The following ADGRB3 variants were observed in gnomAD, a reference collection of about 807,000 sequenced individuals.
The protein encoded by ADGRB3 is adhesion G protein-coupled receptor B3.
A neutral mutation model predicts 193.4 loss-of-function variants in ADGRB3; 37 were observed. The ratio of observed to expected loss-of-function variants is 0.19; its 90% CI spans 0.15 to 0.25. The LOEUF (loss-of-function observed/expected upper bound fraction) is 0.25, where lower values mean the gene tolerates loss of function less well. ADGRB3 is among the 10% of genes least tolerant of loss of function. ADGRB3 has a pLI of 1.00. For synonymous variants in ADGRB3, 690 were observed against 644.2 expected (o/e 1.07, Z -1.08); for missense variants, 1,637 against 1,852.9 (o/e 0.88, Z 2.14).
intron 11 of ADGRB3, among the ~76,000 whole-genome samples, chr6:68,994,648 C>T (rs938299861): frequency 2.6e-5 from 4 of 152,224 alleles, no homozygotes; most frequent in South Asian, 2.1e-4. Flanking sequence ...CTACAGTTTG[C>T]GTTTCAGATT....
intron 17 of ADGRB3, among the ~76,000 whole-genome samples, chr6:69,086,977 T>C (rs1415328186): frequency 2.0e-5 from 3 of 152,148 alleles, no homozygotes; most frequent in African/African-American, 4.8e-5. Context: ...AGAAACGTAA[T>C]TGTAATAAAG....
chr6:68,794,053 T>C (rs1242307717), intron 3 of ADGRB3, among the ~76,000 whole-genome samples: 1 of 152,156 alleles, frequency 6.6e-6, no homozygotes, highest in Non-Finnish European at 1.5e-5. Flanking sequence ...GTTAAAAATT[T>C]CCTGTGCAAT....
intron 26 of ADGRB3, 81 bp downstream of exon 26, chr6:69,339,585 T>C (rs1768932691): frequency 4.1e-6 from 6 of 1,456,428 alleles, no homozygotes; most frequent in Non-Finnish European, 5.6e-6. Context: ...TTTAATATCT[T>C]GATGTTCAGA....
intron 20 of ADGRB3, among the ~76,000 whole-genome samples, chr6:69,250,468 C>T (rs1315953059): frequency 6.6e-6 from 1 of 152,194 alleles, no homozygotes; most frequent in African/African-American, 2.4e-5. Context: ...AAAGGACAAT[C>T]TGTACCAATT....
chr6:68,654,370 T>G (rs1385179412), intron 3 of ADGRB3, among the ~76,000 whole-genome samples: 1 of 152,012 alleles, frequency 6.6e-6, no homozygotes, highest in Non-Finnish European at 1.5e-5. Flanking sequence ...GCTTTCTTAT[T>G]CTCAAGAAGT....
intron 3 of ADGRB3, among the ~76,000 whole-genome samples, chr6:68,744,835 A>G (rs143190415): frequency 0.022 from 3,394 of 152,244 alleles, 63 homozygotes; most frequent in South Asian, 0.074. Flanking sequence ...GTGTATACCT[A>G]TGTAACAAAA....
intron 10 of ADGRB3, among the ~76,000 whole-genome samples, chr6:68,990,868 T>G (rs3798995): frequency 0.11 from 16,245 of 152,124 alleles, 1,669 homozygotes; most frequent in East Asian, 0.56. Context: ...AACAATTTAG[T>G]CTTCTGCAGC....
intron 16 of ADGRB3, among the ~76,000 whole-genome samples, chr6:69,074,043 T>A (rs1772155751): frequency 6.6e-6 from 1 of 152,206 alleles, no homozygotes; most frequent in South Asian, 2.1e-4. Context: ...GGAGGTTTAT[T>A]TTCAATTTAT....
At chr6:68,941,408 T>C (rs1767638662) in intron 5 of ADGRB3, among the ~76,000 whole-genome samples, 1 of 152,180 alleles carries the variant, frequency 6.6e-6, no homozygotes. Context: ...CCATAAAGAC[T>C]GTTAGAAAGT....
At chr6:68,945,643 CT>C (rs1240933048) in intron 6 of ADGRB3, among the ~76,000 whole-genome samples, 58 of 151,984 alleles carry the variant, frequency 3.8e-4, no homozygotes. Flanking sequence ...TTTTTAAATA[CT>C]TTTTTGTTAC....
At chr6:68,670,519 A>G (rs2585592) in intron 3 of ADGRB3, among the ~76,000 whole-genome samples, 98,830 of 151,756 alleles carry the variant, frequency 0.65, 33,035 homozygotes, top group African/African-American at 0.8. Flanking sequence ...ATTTTTTGAA[A>G]AGACTGTCTT....
chr6:68,664,212 C>G, intron 3 of ADGRB3, among the ~76,000 whole-genome samples: 1 of 151,668 alleles, frequency 6.6e-6, no homozygotes, highest in East Asian at 1.9e-4. Context: ...CTGATGTACC[C>G]TCATTCTCAA....
At chr6:69,058,337 C>T (rs570181) in intron 15 of ADGRB3, among the ~76,000 whole-genome samples, 111,502 of 151,624 alleles carry the variant, frequency 0.74, 42,270 homozygotes, top group East Asian at 0.96. Flanking sequence ...TCTTTCTTTT[C>T]ACTTACTCTT....
intron 17 of ADGRB3, among the ~76,000 whole-genome samples, chr6:69,138,511 A>G (rs1774218875): frequency 6.6e-6 from 1 of 152,204 alleles, no homozygotes; most frequent in Non-Finnish European, 1.5e-5. Flanking sequence ...AATAAACCTT[A>G]ATAACCCTCA....
intron 15 of ADGRB3, among the ~76,000 whole-genome samples, chr6:69,053,350 T>C (rs996786014): frequency 5.9e-5 from 9 of 152,218 alleles, no homozygotes; most frequent in African/African-American, 9.6e-5. Context: ...ATACAACTTA[T>C]CTTGTTTGCT....
In ADGRB3 at chr6:69,330,630, C is replaced by G. The variant is rs371076537; in HGVS notation, c.3102+58C>G. ...TAGGAAAAAAAAAAAAGACTACTTT[C>G]TTTCAATTAGAGTGGCAATTTTGAT... On this transcript the variant is annotated intron_variant, in intron 23 of 31. Transcript: ENST00000370598. 6.3e-6 allele frequency: 9 copies of G among 1,432,078 alleles called. 1 individual carries two copies. The Admixed American group carries it at 8.3e-5, about 13-fold the overall frequency. The allele number at this position is 1,432,078 out of a possible 1,614,324, so 88.7% of individuals were successfully genotyped here.
At chr6:68,785,026 T>C (rs1184494843) in intron 3 of ADGRB3, among the ~76,000 whole-genome samples, 1 of 152,232 alleles carries the variant, frequency 6.6e-6, no homozygotes, top group East Asian at 1.9e-4. Flanking sequence ...AATAACCATA[T>C]GAGAAAGGGA....
chr6:69,227,137 T>G (rs1271182083), intron 17 of ADGRB3, among the ~76,000 whole-genome samples: 2 of 152,090 alleles, frequency 1.3e-5, no homozygotes, highest in African/African-American at 4.8e-5. Context: ...CTACATAATG[T>G]GAGGAAACAG....
intron 8 of ADGRB3, among the ~76,000 whole-genome samples, chr6:68,957,120 T>C (rs1372268746): frequency 1.3e-5 from 2 of 152,240 alleles, no homozygotes; most frequent in African/African-American, 4.8e-5. Context: ...TGCTTTTAAG[T>C]TCTGTTGCTA....
Sources: gnomAD v4.1 joint callset for allele counts (sites outside exome capture counted in the v4.1 genomes callset) on GRCh38, gnomAD v4.1.1 for gene constraint, MANE v1.5 for transcripts, NCBI Gene and HGNC (gene_info 2026-07-23, HGNC 2026-07-21) for gene names.